The following ATRN variants were observed in gnomAD, a reference collection of about 807,000 sequenced individuals.
The protein encoded by ATRN is attractin-2.
In ATRN, 54 loss-of-function variants were observed where a neutral mutation model predicts 178.7. That is an observed-to-expected ratio of 0.30 (90% CI 0.24 to 0.38). The LOEUF is 0.38. ATRN is among the 10% of genes least tolerant of loss of function. The pLI, the probability that ATRN is intolerant of heterozygous loss-of-function variation, is 1.00. For synonymous variants in ATRN, 636 were observed against 663.0 expected, an observed-to-expected ratio of 0.96 and a Z score of 0.63; for missense variants, 1,443 against 1,815.1, an observed-to-expected ratio of 0.79 and a Z score of 3.73.
intron 24 of ATRN, among the ~76,000 whole-genome samples, chr20:3,609,714 A>ATGTGTGTG (rs34028518): frequency 0.026 from 3,814 of 146,156 alleles, 125 homozygotes; most frequent in African/African-American, 0.075. Context: ...GTATGTATGT[A>ATGTGTGTG]TGTGTGTGTG....
In ATRN at chr20:3,485,610, G is replaced by GTTTTTTTTTTTTTTTTTT. The variant is rs3084238; in HGVS notation, c.410+14105_410+14122dup. ...TGGTTTGCCAATACATTTTTTTGAG[G>GTTTTTTTTTTTTTTTTTT]TTTTTTTTTTTTTTTTTTTTTTTTT... is the stretch of plus-strand genomic sequence containing the variant. On this transcript the variant is annotated intron_variant, in intron 1 of 28. Coordinates refer to ENST00000262919, the MANE Select transcript of ATRN (RefSeq NM_139321.3). 4.6e-4 allele frequency among the ~76,000 whole-genome samples: 31 copies of GTTTTTTTTTTTTTTTTTT among 67,920 alleles called. 4 individuals carry two copies. Among genetic ancestry groups the GTTTTTTTTTTTTTTTTTT allele is most frequent in the African/African-American group, 1.3e-3 (23 of 18,132 alleles). The allele number at this position is 67,920 out of a possible 152,430, so 44.6% of individuals were successfully genotyped here.
At chr20:3,475,223 T>G (rs2084508434) in intron 1 of ATRN, among the ~76,000 whole-genome samples, 1 of 152,122 alleles carries the variant, frequency 6.6e-6, no homozygotes, top group Non-Finnish European at 1.5e-5. Flanking sequence ...TTTTTAGTCC[T>G]GTAAATCCTG....
At chr20:3,559,300 GAGCATCTCCA>G (rs2085919668) in intron 6 of ATRN, 83 bp from the exon 7 acceptor site, 1 of 969,720 alleles carries the variant, frequency 1.0e-6, no homozygotes, top group Admixed American at 1.8e-5. Context: ...TGGATTTAGT[GAGCATCTCCA>G]AACTGGATTA....
chr20:3,520,486 T>C (rs1263044842), intron 1 of ATRN, among the ~76,000 whole-genome samples: 1 of 152,160 alleles, frequency 6.6e-6, no homozygotes, highest in Non-Finnish European at 1.5e-5. Flanking sequence ...ATGAAATGAA[T>C]GACAACTTTT....
chr20:3,499,001 C>T, intron 1 of ATRN, among the ~76,000 whole-genome samples: 1 of 104,680 alleles, frequency 9.6e-6, no homozygotes, highest in African/African-American at 4.1e-5. Context: ...GATACAAAAT[C>T]AATGTACAAA....
intron 3 of ATRN, among the ~76,000 whole-genome samples, chr20:3,541,324 G>A (rs1026876958): frequency 1.9e-4 from 29 of 152,136 alleles, no homozygotes; most frequent in Middle Eastern, 3.4e-3. Context: ...TGATCCGCCC[G>A]CCTCGGCCTC....
At chr20:3,630,227 G>A (rs1303263435) in intron 25 of ATRN, among the ~76,000 whole-genome samples, 5 of 152,106 alleles carry the variant, frequency 3.3e-5, no homozygotes, top group Non-Finnish European at 5.9e-5. Context: ...CCTCACTCCT[G>A]TAGAACTGTA....
intron 1 of ATRN, among the ~76,000 whole-genome samples, chr20:3,484,384 A>G (rs990576588): frequency 2.0e-5 from 3 of 152,038 alleles, no homozygotes; most frequent in Non-Finnish European, 2.9e-5. Context: ...ATACTCTTCT[A>G]TATTTTACTT....
chr20:3,615,502 CAAAG>C (rs141933759), intron 24 of ATRN, among the ~76,000 whole-genome samples: 577 of 150,796 alleles, frequency 3.8e-3, no homozygotes, highest in Non-Finnish European at 6.6e-3. Flanking sequence ...TAGTTTGAAA[CAAAG>C]AAAGACACAT....
intron 14 of ATRN, 95 bp from the exon 15 acceptor site, chr20:3,578,487 A>G: frequency 8.8e-7 from 1 of 1,132,676 alleles, no homozygotes; most frequent in South Asian, 1.7e-5. Flanking sequence ...TTAAATTAGA[A>G]AGGCCATTTC....
chr20:3,535,444 A>C lies in ATRN; in HGVS notation c.494+108A>C, dbSNP rs549060222. On this transcript the variant is annotated intron_variant, in intron 2 of 28. Transcript: ENST00000262919. ...CAATCTGTAGCATAAAGTTCTTAAAACATTACTTGATAACCTTTCATTTGA... is the reference window on the plus strand; with the variant it reads ...CAATCTGTAGCATAAAGTTCTTAAACCATTACTTGATAACCTTTCATTTGA... 10 of 443,042 alleles carry C rather than the reference A, an allele frequency of 2.3e-5. No individual in the cohort carries two copies. The South Asian group carries it at 2.9e-4, about 13-fold the overall frequency. The allele number at this position is 443,042 out of a possible 1,614,324, so 27.4% of individuals were successfully genotyped here. A position where few individuals can be genotyped will look rare whatever the true frequency, so the allele number is the denominator to read the frequency against.
chr20:3,630,916 C>CTTTTTTTTTTTTTTTTTGTT (rs2086984971), intron 25 of ATRN, among the ~76,000 whole-genome samples: 1 of 43,426 alleles, frequency 2.3e-5, no homozygotes, highest in Non-Finnish European at 4.2e-5. Context: ...ATTTATTTAG[C>CTTTTTTTTTTTTTTTTTGTT]TTTTTTTTTT....
chr20:3,617,171 G>A (rs1341727021), intron 24 of ATRN, among the ~76,000 whole-genome samples: 2 of 152,142 alleles, frequency 1.3e-5, no homozygotes, highest in East Asian at 3.9e-4. Context: ...GCTGAGGTTG[G>A]CAACCAAGAA....
chr20:3,544,327 C>T (rs1212281910), intron 3 of ATRN, among the ~76,000 whole-genome samples: 1 of 152,134 alleles, frequency 6.6e-6, no homozygotes, highest in African/African-American at 2.4e-5. Context: ...CAACCTGTTG[C>T]CATCTGAACA....
intron 11 of ATRN, among the ~76,000 whole-genome samples, 159 bp downstream of exon 11, chr20:3,565,591 A>G (rs235569): frequency 1.3e-5 from 2 of 151,892 alleles, no homozygotes; most frequent in Admixed American, 1.3e-4. Context: ...CATGGTAAAG[A>G]CCCATCTCTA....
chr20:3,514,797 A>C (rs1273854995), intron 1 of ATRN, among the ~76,000 whole-genome samples: 1 of 152,038 alleles, frequency 6.6e-6, no homozygotes, highest in Non-Finnish European at 1.5e-5. Flanking sequence ...GTCTCTACAA[A>C]AATGACAAAA....
chr20:3,584,585 A>AT, intron 17 of ATRN, 62 bp from the exon 18 acceptor site: 3 of 1,220,830 alleles, frequency 2.5e-6, no homozygotes, highest in Non-Finnish European at 2.3e-6. Flanking sequence ...TTAAAAAAAA[A>AT]GTAAATACAG....
chr20:3,526,219 A>G (rs1026408127), intron 1 of ATRN, among the ~76,000 whole-genome samples: 8 of 152,230 alleles, frequency 5.3e-5, no homozygotes, highest in Non-Finnish European at 1.0e-4. Flanking sequence ...ATACAAAATC[A>G]GTGTGCAAAA....
At chr20:3,582,055 C>T in intron 15 of ATRN, 80 bp from the exon 16 acceptor site, 2 of 1,307,918 alleles carry the variant, frequency 1.5e-6, no homozygotes, top group South Asian at 1.3e-5. Flanking sequence ...GCCAGGGCAA[C>T]ATGGCAAGAC....
Sources: allele counts gnomAD v4.1 joint callset (sites outside exome capture counted in the v4.1 genomes callset), GRCh38; gene constraint gnomAD v4.1.1; transcripts MANE v1.5; gene names NCBI Gene and HGNC (gene_info 2026-07-23, HGNC 2026-07-21).